The following LRMDA variants were observed in gnomAD, a reference collection of about 807,000 sequenced individuals.
LRMDA encodes the protein leucine-rich melanocyte differentiation-associated protein.
In LRMDA, 18 loss-of-function variants were observed where a neutral mutation model predicts 29.8. The observed-to-expected ratio is 0.60, with a 90% confidence interval of 0.42 to 0.90. LRMDA has a LOEUF of 0.90. LRMDA is among the 40% of genes least tolerant of loss of function. LRMDA has a pLI of 0.00. For missense variants in LRMDA, 273 were observed against 273.9 expected (o/e 1.00, Z 0.02); for synonymous variants, 125 against 109.4 (o/e 1.14, Z -0.89).
chr10:76,056,112 C>T (rs1361950131), intron 4 of LRMDA, among the ~76,000 whole-genome samples: 1 of 152,170 alleles, frequency 6.6e-6, no homozygotes, highest in Non-Finnish European at 1.5e-5. Flanking sequence ...CTCAGGACAA[C>T]TAAAGTGGGT....
rs114486480 is a variant in LRMDA, at chr10:75,589,947, A to T, written c.131+151453A>T. Among the ~76,000 whole-genome samples, 729 of 150,332 alleles carry T rather than the reference A, an allele frequency of 4.8e-3. 6 individuals carry two copies. The highest frequency in any genetic ancestry group is 0.017 in the African/African-American group (696 of 41,006). On this transcript the variant is annotated intron_variant, in intron 2 of 6. Coordinates refer to ENST00000611255, the MANE Select transcript of LRMDA (RefSeq NM_001305581.2). The stretch of plus-strand genomic sequence containing the variant: ...TTTGGGTTCACATTTTTGGTTATTC[A>T]TTTTTAGTGGCTTTTTGTTTGCTTT...
In LRMDA at chr10:75,810,996, C is replaced by G. The variant is rs959686908; in HGVS notation, c.132-225012C>G. On this transcript the variant is annotated intron_variant, in intron 2 of 6. Transcript: ENST00000611255. ...GTCACACAGCCACCAAGTGGAGGAG[C>G]TGGGTCCAGGGCCCAAGCTCCTAAT... Among the ~76,000 whole-genome samples the G allele has an allele frequency of 1.3e-5, 2 of 152,262 alleles. 1 individual carries two copies. The highest frequency in any genetic ancestry group is 4.2e-4 in the South Asian group (2 of 4,816).
At chr10:76,536,669 G>T (rs528480867) in intron 6 of LRMDA, among the ~76,000 whole-genome samples, 84 of 152,114 alleles carry the variant, frequency 5.5e-4, no homozygotes, top group African/African-American at 1.9e-3. Flanking sequence ...AGGTGATATT[G>T]GCATATTTAC....
chr10:76,552,299 G>C (rs751634638), intron 6 of LRMDA, among the ~76,000 whole-genome samples: 2 of 152,242 alleles, frequency 1.3e-5, no homozygotes, highest in Admixed American at 1.3e-4. Context: ...GCCAAAGCCA[G>C]TGGGATACAG....
intron 5 of LRMDA, among the ~76,000 whole-genome samples, chr10:76,232,760 T>C (rs1018400115): frequency 1.1e-4 from 16 of 152,144 alleles, no homozygotes; most frequent in African/African-American, 3.9e-4. Flanking sequence ...TGGGGAGTTT[T>C]ATTGGTGATG....
intron 2 of LRMDA, among the ~76,000 whole-genome samples, chr10:75,770,716 G>A (rs1564563640): frequency 6.6e-6 from 1 of 152,194 alleles, no homozygotes; most frequent in Non-Finnish European, 1.5e-5. Flanking sequence ...AGAGATGGGT[G>A]GGTGAAGTGA....
chr10:75,561,899 T>C (rs1840301393), intron 2 of LRMDA, among the ~76,000 whole-genome samples: 1 of 152,108 alleles, frequency 6.6e-6, no homozygotes, highest in African/African-American at 2.4e-5. Context: ...TGAGTGACAG[T>C]TTGTTATAAT....
chr10:75,762,887 A>G (rs1382881162), intron 2 of LRMDA, among the ~76,000 whole-genome samples: 1 of 152,132 alleles, frequency 6.6e-6, no homozygotes, highest in Non-Finnish European at 1.5e-5. Flanking sequence ...CCCACTTTCT[A>G]CCACACTCTG....
At chr10:76,375,199 A>G (rs1328605605) in intron 6 of LRMDA, among the ~76,000 whole-genome samples, 1 of 152,212 alleles carries the variant, frequency 6.6e-6, no homozygotes, top group African/African-American at 2.4e-5. Flanking sequence ...TGAAGAAGCC[A>G]TAAGGAGCCT....
chr10:76,557,218 G>A lies in LRMDA; in HGVS notation c.611G>A (p.Gly204Glu), dbSNP rs75852090. 8,212 of 1,613,916 alleles carry A rather than the reference G, an allele frequency of 5.1e-3. 366 individuals carry two copies. The African/African-American group carries it at 0.096, about 19-fold the overall frequency. ...GTCTTTTTATTTGCAGGTGTCCTGGGGAAGTGTCGCTACGTTTACTATGGG... is the reference window on the plus strand; with the variant it reads ...GTCTTTTTATTTGCAGGTGTCCTGGAGAAGTGTCGCTACGTTTACTATGGG... ...RELTSHQGVL[G>E]KCRYVYYGKN... Residue 204 changes from glycine to glutamate, a missense_variant, in exon 7 of 7, where the codon GGG (glycine) becomes GAG (glutamate). Gly to Glu is a moderately conservative substitution (Grantham distance 98). Coordinates refer to ENST00000611255, the MANE Select transcript of LRMDA (RefSeq NM_001305581.2).
chr10:75,787,171 TTC>T (rs1843485258), intron 2 of LRMDA, among the ~76,000 whole-genome samples: 1 of 152,202 alleles, frequency 6.6e-6, no homozygotes, highest in South Asian at 2.1e-4. Flanking sequence ...TGGTTCGATA[TTC>T]TGTTTTGTAC....
chr10:75,753,879 G>A (rs1317757926), intron 2 of LRMDA, among the ~76,000 whole-genome samples: 2 of 152,208 alleles, frequency 1.3e-5, no homozygotes, highest in Non-Finnish European at 2.9e-5. Flanking sequence ...GGAGCAGGCA[G>A]TAAAGATGGA....
intron 6 of LRMDA, among the ~76,000 whole-genome samples, chr10:76,391,697 G>T (rs1043737970): frequency 1.3e-5 from 2 of 152,156 alleles, no homozygotes; most frequent in African/African-American, 4.8e-5. Context: ...AGCTATTCAT[G>T]CAGTCCACTC....
chr10:76,134,653 A>G (rs1157209081), intron 5 of LRMDA, among the ~76,000 whole-genome samples: 1 of 152,124 alleles, frequency 6.6e-6, no homozygotes, highest in Non-Finnish European at 1.5e-5. Flanking sequence ...AAGGGTACTG[A>G]CAAATATAAA....
chr10:75,976,797 A>C (rs1847079549), intron 2 of LRMDA, among the ~76,000 whole-genome samples: 2 of 152,218 alleles, frequency 1.3e-5, no homozygotes, highest in South Asian at 2.1e-4. Context: ...ACAGCTAGTA[A>C]GTGGCAGAGT....
chr10:75,508,697 G>A (rs1055483515), intron 2 of LRMDA, among the ~76,000 whole-genome samples: 1 of 152,212 alleles, frequency 6.6e-6, no homozygotes. Context: ...AGTGTGTGCT[G>A]TATGAGTGTG....
intron 2 of LRMDA, among the ~76,000 whole-genome samples, chr10:75,972,061 A>T (rs1346804538): frequency 6.6e-6 from 1 of 152,166 alleles, no homozygotes; most frequent in Non-Finnish European, 1.5e-5. Context: ...AGAAAGGGGG[A>T]GTGAGATCTG....
At chr10:75,519,504 C>T (rs1317661240) in intron 2 of LRMDA, among the ~76,000 whole-genome samples, 1 of 152,138 alleles carries the variant, frequency 6.6e-6, no homozygotes, top group Non-Finnish European at 1.5e-5. Flanking sequence ...GATTGCACCT[C>T]CTGCTTTTTT....
chr10:75,869,596 G>A (rs551249131), intron 2 of LRMDA, among the ~76,000 whole-genome samples: 7 of 152,172 alleles, frequency 4.6e-5, no homozygotes, highest in East Asian at 1.9e-4. Context: ...TTATTTATTC[G>A]GTCTGTGGTG....
Sources: allele counts gnomAD v4.1 joint callset (sites outside exome capture counted in the v4.1 genomes callset), GRCh38; gene constraint gnomAD v4.1.1; transcripts MANE v1.5; gene names NCBI Gene and HGNC (gene_info 2026-07-23, HGNC 2026-07-21).